TMEM108: variants seen among roughly 807,000 people sequenced by gnomAD.
TMEM108 encodes transmembrane protein 108.
In TMEM108, 12 loss-of-function variants were observed where a neutral mutation model predicts 35.1. That is an observed-to-expected ratio of 0.34 (90% CI 0.22 to 0.55). The LOEUF (loss-of-function observed/expected upper bound fraction) is 0.55. Ranked by LOEUF, TMEM108 falls within the 20% of genes least tolerant of loss-of-function variation. The pLI is 0.89. For missense variants in TMEM108, 680 were observed against 753.3 expected (o/e 0.90, Z 1.14); for synonymous variants, 287 against 308.6 (o/e 0.93, Z 0.73).
At chr3:133,100,442 A>G (rs1944072829) in intron 2 of TMEM108, among the ~76,000 whole-genome samples, 1 of 152,160 alleles carries the variant, frequency 6.6e-6, no homozygotes, top group Non-Finnish European at 1.5e-5. Context: ...TCTACAAAAA[A>G]TATTTCTAAA....
chr3:133,167,246 G>C (rs1232778748), intron 2 of TMEM108, among the ~76,000 whole-genome samples: 1 of 152,238 alleles, frequency 6.6e-6, no homozygotes, highest in African/African-American at 2.4e-5. Context: ...GTGCTGATTG[G>C]TGCATATACA....
chr3:133,288,484 G>T (rs1378426844), intron 3 of TMEM108, among the ~76,000 whole-genome samples: 1 of 152,162 alleles, frequency 6.6e-6, no homozygotes. Flanking sequence ...GTGAATAGAA[G>T]TTCCTTGTGG....
chr3:133,211,635 G>A (rs1375135803), intron 2 of TMEM108, among the ~76,000 whole-genome samples: 1 of 152,120 alleles, frequency 6.6e-6, no homozygotes, highest in African/African-American at 2.4e-5. Context: ...CTTTAATGCC[G>A]GAAGAAGGAG....
intron 3 of TMEM108, among the ~76,000 whole-genome samples, chr3:133,264,340 A>G (rs192697238): frequency 6.6e-6 from 1 of 152,080 alleles, no homozygotes; most frequent in Non-Finnish European, 1.5e-5. Flanking sequence ...GCTATCTATC[A>G]TGCTATTTTC....
intron 3 of TMEM108, among the ~76,000 whole-genome samples, chr3:133,292,546 T>A (rs1158287342): frequency 1.3e-5 from 2 of 152,232 alleles, no homozygotes; most frequent in African/African-American, 4.8e-5. Context: ...GGAATTCTGC[T>A]GCTTATAAAA....
At chr3:133,228,139 C>T (rs1946100999) in intron 2 of TMEM108, among the ~76,000 whole-genome samples, 1 of 150,950 alleles carries the variant, frequency 6.6e-6, no homozygotes, top group Non-Finnish European at 1.5e-5. Flanking sequence ...TTCCCAATCA[C>T]TGAATTGTAT....
chr3:133,173,583 T>A (rs1945162692), intron 2 of TMEM108, among the ~76,000 whole-genome samples: 1 of 152,240 alleles, frequency 6.6e-6, no homozygotes, highest in Non-Finnish European at 1.5e-5. Context: ...TTGTCCACAT[T>A]AATGAGGTAG....
chr3:133,055,666 T>C, intron 2 of TMEM108, among the ~76,000 whole-genome samples: 1 of 152,218 alleles, frequency 6.6e-6, no homozygotes, highest in East Asian at 1.9e-4. Flanking sequence ...TCAGCCTTTT[T>C]CTTTCCATGC....
At chr3:133,243,125 G>A (rs932962406) in intron 3 of TMEM108, among the ~76,000 whole-genome samples, 2 of 152,144 alleles carry the variant, frequency 1.3e-5, no homozygotes, top group Non-Finnish European at 2.9e-5. Flanking sequence ...AGAGTGGGCC[G>A]CTTGAGAAGG....
chr3:133,365,064 C>T (rs1453139456), intron 3 of TMEM108, among the ~76,000 whole-genome samples: 2 of 152,138 alleles, frequency 1.3e-5, no homozygotes, highest in South Asian at 2.1e-4. Flanking sequence ...CCAGGAAAGG[C>T]GTGTAACCTT....
At chr3:133,220,172 G>A (rs1347102941) in intron 2 of TMEM108, among the ~76,000 whole-genome samples, 1 of 150,222 alleles carries the variant, frequency 6.7e-6, no homozygotes, top group Non-Finnish European at 1.5e-5. Flanking sequence ...CTGTTTGCAT[G>A]GATTATTTTT....
chr3:133,176,066 A>G (rs1945222081), intron 2 of TMEM108, among the ~76,000 whole-genome samples: 1 of 152,246 alleles, frequency 6.6e-6, no homozygotes. Context: ...AGATCAAAAG[A>G]GACAAAGAAG....
chr3:133,381,466 A>C (rs937578117), intron 4 of TMEM108, among the ~76,000 whole-genome samples: 1 of 152,192 alleles, frequency 6.6e-6, no homozygotes, highest in Non-Finnish European at 1.5e-5. Flanking sequence ...GACATGGTTC[A>C]CCCAGGATCC....
At chr3:133,395,574 G>A (rs1211227579) in intron 5 of TMEM108, among the ~76,000 whole-genome samples, 1 of 152,144 alleles carries the variant, frequency 6.6e-6, no homozygotes, top group Non-Finnish European at 1.5e-5. Flanking sequence ...ACCATCTCTG[G>A]CAACCTGGGA....
intron 2 of TMEM108, among the ~76,000 whole-genome samples, chr3:133,169,917 G>T (rs913287310): frequency 6.6e-6 from 1 of 152,134 alleles, no homozygotes; most frequent in Admixed American, 6.6e-5. Context: ...CGATCTCAGC[G>T]CAGATGCACT....
At chr3:133,290,970 G>T (rs2370409) in intron 3 of TMEM108, among the ~76,000 whole-genome samples, 73,951 of 152,020 alleles carry the variant, frequency 0.49, 20,088 homozygotes, top group East Asian at 0.86. Context: ...CTAAAATGGT[G>T]AGATGTTTTA....
intron 2 of TMEM108, among the ~76,000 whole-genome samples, chr3:133,177,717 G>A (rs1212925038): frequency 6.6e-6 from 1 of 152,122 alleles, no homozygotes; most frequent in Non-Finnish European, 1.5e-5. Context: ...TACTGAATGG[G>A]CAAAAACTGG....
intron 2 of TMEM108, among the ~76,000 whole-genome samples, chr3:133,081,156 A>G (rs1317703149): frequency 6.6e-6 from 1 of 152,232 alleles, no homozygotes; most frequent in East Asian, 1.9e-4. Context: ...TTTCACTGGA[A>G]GATGACTGTC....
intron 2 of TMEM108, among the ~76,000 whole-genome samples, chr3:133,131,206 C>A (rs1467694079): frequency 1.3e-5 from 2 of 152,098 alleles, no homozygotes; most frequent in Admixed American, 1.3e-4. Context: ...GGGGTTGTTT[C>A]AGCATTTTAC....
Sources: allele counts gnomAD v4.1 joint callset (sites outside exome capture counted in the v4.1 genomes callset), GRCh38; gene constraint gnomAD v4.1.1; transcripts MANE v1.5; gene names NCBI Gene and HGNC (gene_info 2026-07-23, HGNC 2026-07-21).